RTN4: variants seen among roughly 807,000 people sequenced by gnomAD.
The protein encoded by RTN4 is reticulon-4.
Under a neutral mutation model 90.4 loss-of-function variants are expected in RTN4, and 32 were observed. That is an observed-to-expected ratio of 0.35 (90% CI 0.27 to 0.48). The LOEUF (loss-of-function observed/expected upper bound fraction) is 0.48. RTN4 is among the 20% of genes least tolerant of loss of function. The pLI is 0.99. For missense variants in RTN4, 1,706 were observed against 1,430.2 expected (o/e 1.19, Z -3.11); for synonymous variants, 629 against 552.5 (o/e 1.14, Z -1.94).
At chr2:55,103,633 T>C (rs1447070123) in intron 1 of RTN4, among the ~76,000 whole-genome samples, 1 of 152,122 alleles carries the variant, frequency 6.6e-6, no homozygotes, top group Non-Finnish European at 1.5e-5. Context: ...ACTTTATTTT[T>C]TTCCCTCTTT....
the RTN4 span, among the ~76,000 whole-genome samples, chr2:55,129,577 GT>G: frequency 0.32 from 48,558 of 149,928 alleles, 8,003 homozygotes; most frequent in African/African-American, 0.4. Context: ...AAGCAAGACT[GT>G]TTTTTTTTTG....
In RTN4 at chr2:55,050,169, GTCCTCCTCTTCCTCCTCCTCTTCT is replaced by G; in HGVS notation, c.108_131del (p.Glu36_Glu43del). 3 of 1,566,172 alleles carry G rather than the reference GTCCTCCTCTTCCTCCTCCTCTTCT, an allele frequency of 1.9e-6. No individual in the cohort carries two copies. The Admixed American group carries it at 5.4e-5, about 28-fold the overall frequency. On this transcript the variant is annotated inframe_deletion, in exon 1 of 9. Transcript: ENST00000337526. This position sits in a 1 kb window ranked among gnomAD's most constrained non-coding sequence, Gnocchi z 4.6. ...CCAGCTCCTCCAGGTCTTCGTCCTCGTCCTCCTCTTCCTCCTCCTCTTCTTCCTCCTCGTCCTCGGGCTCCCTCA... is the reference window on the plus strand; with the variant it reads ...CCAGCTCCTCCAGGTCTTCGTCCTCGTCCTCCTCGTCCTCGGGCTCCCTCA...
intron 4 of RTN4, 75 bp from the exon 5 acceptor site, chr2:54,982,728 T>C (rs977527520): frequency 9.7e-6 from 14 of 1,450,520 alleles, no homozygotes; most frequent in Non-Finnish European, 1.3e-5. Flanking sequence ...AAATTATATA[T>C]CTGTAAGAAA....
chr2:55,039,610 T>A (rs1282806760), intron 1 of RTN4, among the ~76,000 whole-genome samples: 2 of 152,108 alleles, frequency 1.3e-5, no homozygotes, highest in South Asian at 4.1e-4. Flanking sequence ...TGAAACCCCA[T>A]CTCTACTAAA....
At chr2:55,056,491 G>A (rs576193308) in intron 2 of RTN4, 29 of 152,202 alleles carry the variant, frequency 1.9e-4, no homozygotes, top group African/African-American at 6.0e-4. Flanking sequence ...TTTGAGAGGC[G>A]AAGGTGGGCA....
the RTN4 span, among the ~76,000 whole-genome samples, chr2:55,127,191 AAAAG>A: frequency 2.0e-3 from 310 of 152,360 alleles, 2 homozygotes; most frequent in African/African-American, 7.0e-3. Context: ...TTAATTAAAA[AAAAG>A]AAAGAGGTGG....
At chr2:54,990,062 A>G (rs1367639431) in intron 3 of RTN4, among the ~76,000 whole-genome samples, 1 of 152,232 alleles carries the variant, frequency 6.6e-6, no homozygotes, top group Non-Finnish European at 1.5e-5. Context: ...GACTAAAAAA[A>G]TGGTTGAATA....
chr2:55,048,805 A>G (rs560604814), intron 1 of RTN4, among the ~76,000 whole-genome samples: 6 of 152,356 alleles, frequency 3.9e-5, no homozygotes, highest in Non-Finnish European at 8.8e-5. Flanking sequence ...GAGTTCAATT[A>G]GCCAATTCCT....
intron 3 of RTN4, among the ~76,000 whole-genome samples, chr2:54,988,957 T>C (rs1335244640): frequency 6.6e-6 from 1 of 152,160 alleles, no homozygotes; most frequent in East Asian, 1.9e-4. Context: ...CTCTGAACTG[T>C]GAACAATTGG....
intron 1 of RTN4, among the ~76,000 whole-genome samples, chr2:55,109,206 A>T (rs1667994061): frequency 6.6e-6 from 1 of 152,178 alleles, no homozygotes; most frequent in Non-Finnish European, 1.5e-5. Flanking sequence ...AAAAATAAAA[A>T]TGCACTAAAG....
intron 2 of RTN4, among the ~76,000 whole-genome samples, chr2:55,067,484 C>T (rs985555997): frequency 7.9e-5 from 12 of 151,234 alleles, no homozygotes; most frequent in African/African-American, 2.4e-4. Flanking sequence ...ACGATCTCAG[C>T]TCACTACCAC....
At position 54,973,086 on chromosome 2, in the gene RTN4, G is replaced by C. The variant is rs201181001; in HGVS notation, c.*70C>G. ...GCAACGTCAAGGTTCGTTCTTCCCT[G>C]ACCCTCCCCCGTATAATCAAATGAA... On this transcript the variant is annotated 3_prime_UTR_variant, in exon 9 of 9. Coordinates refer to ENST00000337526, the MANE Select transcript of RTN4 (RefSeq NM_020532.5). 1.1e-3 allele frequency: 1,401 copies of C among 1,333,268 alleles called. 22 individuals are homozygous for C. The South Asian group carries it at 0.016, about 15-fold the overall frequency. The allele number at this position is 1,333,268 out of a possible 1,614,324, so 82.6% of individuals were successfully genotyped here.
At chr2:55,096,818 G>A (rs1211192250) in intron 1 of RTN4, among the ~76,000 whole-genome samples, 1 of 150,742 alleles carries the variant, frequency 6.6e-6, no homozygotes, top group Non-Finnish European at 1.5e-5. Context: ...CTTCTGTCCT[G>A]TGCCAGGCAG....
intron 3 of RTN4, among the ~76,000 whole-genome samples, chr2:55,017,510 C>G (rs1219508613): frequency 6.6e-6 from 1 of 152,198 alleles, no homozygotes; most frequent in Non-Finnish European, 1.5e-5. Flanking sequence ...TCGGTTTACA[C>G]TTCACTTACC....
At chr2:55,005,000 C>T (rs951693241) in intron 3 of RTN4, among the ~76,000 whole-genome samples, 13 of 151,942 alleles carry the variant, frequency 8.6e-5, no homozygotes, top group African/African-American at 3.1e-4. Context: ...GAAGAAAGGG[C>T]CTTCAAGGTG....
At chr2:55,062,636 A>G (rs536094221) in intron 2 of RTN4, among the ~76,000 whole-genome samples, 37 of 152,226 alleles carry the variant, frequency 2.4e-4, no homozygotes, top group Non-Finnish European at 4.4e-4. Context: ...ATCACATCAC[A>G]TCAGGAGACA....
chr2:55,033,627 T>A (rs1257705228), intron 1 of RTN4, among the ~76,000 whole-genome samples: 2 of 152,234 alleles, frequency 1.3e-5, no homozygotes, highest in African/African-American at 4.8e-5. Context: ...GGCTATGATG[T>A]GCCTTACAGA....
chr2:55,095,425 CATCTT>C (rs1428476451), intron 1 of RTN4, among the ~76,000 whole-genome samples: 1 of 152,100 alleles, frequency 6.6e-6, no homozygotes, highest in Non-Finnish European at 1.5e-5. Context: ...TAAAAATTAA[CATCTT>C]ATATTTGTGA....
intron 3 of RTN4, among the ~76,000 whole-genome samples, chr2:55,016,954 A>G (rs1223469069): frequency 1.3e-5 from 2 of 152,206 alleles, no homozygotes; most frequent in Non-Finnish European, 2.9e-5. Context: ...TTTAGCAGGT[A>G]TCTCTTTTTT....
Sources: gnomAD v4.1 joint callset for allele counts (sites outside exome capture counted in the v4.1 genomes callset) on GRCh38, gnomAD v4.1.1 for gene constraint, Gnocchi (gnomAD v3.1) non-coding constraint, MANE v1.5 for transcripts, NCBI Gene and HGNC (gene_info 2026-07-23, HGNC 2026-07-21) for gene names.